ESYT2: variants seen among roughly 807,000 people sequenced by gnomAD.
ESYT2 encodes the protein extended synaptotagmin-2.
ESYT2 carries 54 observed loss-of-function variants against 107.2 expected under a neutral mutation model. That is an observed-to-expected ratio of 0.50 (90% CI 0.40 to 0.63). The LOEUF is 0.63. ESYT2 is among the 30% of genes least tolerant of loss of function. The probability of loss-of-function intolerance (pLI) is 0.00; values close to 1 mark genes in which losing one functional copy is unlikely to be tolerated. For missense variants in ESYT2, 1,020 were observed against 1,094.5 expected (o/e 0.93, Z 0.96); for synonymous variants, 491 against 434.1 (o/e 1.13, Z -1.63).
At chr7:158,738,872 C>T (rs746677284) in intron 19 of ESYT2, 151 bp downstream of exon 19, 12 of 762,744 alleles carry the variant, frequency 1.6e-5, no homozygotes, top group East Asian at 5.4e-5. Flanking sequence ...ACACCCTTTA[C>T]GAGCACCGTC....
At chr7:158,817,017 T>C (rs1246828539) in intron 1 of ESYT2, among the ~76,000 whole-genome samples, 1 of 152,248 alleles carries the variant, frequency 6.6e-6, no homozygotes, top group Non-Finnish European at 1.5e-5. Flanking sequence ...TCACTTCTAA[T>C]TGTGTATAAA....
intron 16 of ESYT2, among the ~76,000 whole-genome samples, chr7:158,745,527 G>A (rs768388714): frequency 1.3e-5 from 2 of 152,114 alleles, no homozygotes; most frequent in African/African-American, 2.4e-5. Context: ...TGAGACACTC[G>A]CCAACACCAG....
intron 1 of ESYT2, among the ~76,000 whole-genome samples, chr7:158,824,920 C>T (rs538269549): frequency 2.6e-5 from 4 of 152,222 alleles, no homozygotes; most frequent in African/African-American, 9.6e-5. Context: ...GGGAGACTCA[C>T]GTAGGTGGTT....
intron 1 of ESYT2, among the ~76,000 whole-genome samples, chr7:158,811,011 G>C (rs1839979726): frequency 6.6e-6 from 1 of 151,648 alleles, no homozygotes; most frequent in Admixed American, 6.6e-5. Context: ...AAAAACAAAA[G>C]GGGTAAGGCG....
intron 20 of ESYT2, among the ~76,000 whole-genome samples, chr7:158,736,135 C>G (rs191674815): frequency 6.6e-6 from 1 of 151,836 alleles, no homozygotes; most frequent in Non-Finnish European, 1.5e-5. Context: ...CTCCGGGCTG[C>G]GGGTGCCTGC....
intron 6 of ESYT2, among the ~76,000 whole-genome samples, chr7:158,787,151 T>C (rs780622377): frequency 6.6e-6 from 1 of 151,910 alleles, no homozygotes; most frequent in Non-Finnish European, 1.5e-5. Context: ...GAGGAAGGAG[T>C]TTGTCTGGTG....
intron 1 of ESYT2, among the ~76,000 whole-genome samples, chr7:158,817,049 AC>A (rs772156118): frequency 3.3e-5 from 5 of 152,264 alleles, no homozygotes; most frequent in Admixed American, 2.0e-4. Flanking sequence ...GCTTTATATA[AC>A]ATTTTACAAA....
At chr7:158,737,308 A>C (rs1045204968) in intron 19 of ESYT2, 129 bp from the exon 20 acceptor site, 3 of 1,250,974 alleles carry the variant, frequency 2.4e-6, no homozygotes, top group Non-Finnish European at 1.1e-6. Flanking sequence ...CAAGGAACAG[A>C]ATGCGTGAGG....
chr7:158,757,168 A>G (rs1837786677), intron 13 of ESYT2, among the ~76,000 whole-genome samples: 2 of 152,132 alleles, frequency 1.3e-5, no homozygotes, highest in Non-Finnish European at 2.9e-5. Flanking sequence ...ACAGTGTTAC[A>G]TTTCACAAAA....
intron 1 of ESYT2, among the ~76,000 whole-genome samples, chr7:158,821,200 T>C (rs765680957): frequency 2.0e-5 from 3 of 152,094 alleles, no homozygotes; most frequent in African/African-American, 7.2e-5. Flanking sequence ...GAAAAAATGA[T>C]CCCATGCAAA....
intron 1 of ESYT2, among the ~76,000 whole-genome samples, chr7:158,826,417 GAA>G (rs908650750): frequency 6.6e-6 from 1 of 151,880 alleles, no homozygotes; most frequent in Non-Finnish European, 1.5e-5. Flanking sequence ...ACATTCTGGA[GAA>G]AATATAAATT....
chr7:158,777,184 CTCTG>C (rs1563645164), intron 6 of ESYT2, among the ~76,000 whole-genome samples: 1 of 152,118 alleles, frequency 6.6e-6, no homozygotes, highest in Non-Finnish European at 1.5e-5. Context: ...AGGCGTTCAA[CTCTG>C]TCTTTCACTT....
At chr7:158,748,074 A>G in intron 16 of ESYT2, 120 bp downstream of exon 16, 2 of 853,700 alleles carry the variant, frequency 2.3e-6, no homozygotes, top group East Asian at 2.7e-5. Context: ...AGATCTACCA[A>G]TTGTCCTGAT....
chr7:158,793,428 T>C (rs1839368473), intron 4 of ESYT2, among the ~76,000 whole-genome samples: 1 of 148,354 alleles, frequency 6.7e-6, no homozygotes. Flanking sequence ...TTGCAGTGTC[T>C]TTAACTTCTT....
chr7:158,799,784 A>C (rs2129473587), intron 1 of ESYT2, among the ~76,000 whole-genome samples: 1 of 152,154 alleles, frequency 6.6e-6, no homozygotes, highest in East Asian at 1.9e-4. Flanking sequence ...TCCCTCTTAC[A>C]ATTCTCCAGG....
rs746584981 is a variant in ESYT2, at chr7:158,763,155, T to C, written c.1112A>G (p.Tyr371Cys). ...KWNEVYEALV[Y>C]EHPGQELEIE... ...CTCTAATTCTTGTCCAGGATGTTCA[T>C]ACACTAAAGCCTAAAACATCAATGG... Residue 371 changes from tyrosine to cysteine, a missense_variant, in exon 10 of 23, where the codon TAT becomes TGT. Coordinates refer to ENST00000275418, the MANE Select transcript of ESYT2 (RefSeq NM_001367773.1). 1.2e-6 allele frequency: 2 copies of C among 1,612,684 alleles called. No homozygotes were observed. The highest frequency in any genetic ancestry group is 1.1e-5 in the South Asian group (1 of 91,002).
intron 7 of ESYT2, 79 bp downstream of exon 7, chr7:158,773,262 C>T: frequency 6.7e-7 from 1 of 1,500,104 alleles, no homozygotes; most frequent in Non-Finnish European, 9.3e-7. Flanking sequence ...CTTAACCATT[C>T]TCACACTATT....
chr7:158,749,828 T>C (rs1436133127), intron 14 of ESYT2, 105 bp from the exon 15 acceptor site: 2 of 1,001,184 alleles, frequency 2.0e-6, no homozygotes, highest in East Asian at 5.3e-5. Flanking sequence ...TTTTTATTTA[T>C]CTCTGATATT....
At chr7:158,812,868 A>G (rs1840029887) in intron 1 of ESYT2, among the ~76,000 whole-genome samples, 1 of 152,228 alleles carries the variant, frequency 6.6e-6, no homozygotes, top group African/African-American at 2.4e-5. Context: ...TACAGGAAAT[A>G]TCCAGAACAG....
Sources: gnomAD v4.1 joint callset for allele counts (sites outside exome capture counted in the v4.1 genomes callset) on GRCh38, gnomAD v4.1.1 for gene constraint, MANE v1.5 for transcripts, NCBI Gene and HGNC (gene_info 2026-07-23, HGNC 2026-07-21) for gene names.